The following AP3S2 variants were observed in gnomAD, a reference collection of about 807,000 sequenced individuals.
AP3S2 encodes AP-3 complex subunit sigma-2.
Under a neutral mutation model 23.4 loss-of-function variants are expected in AP3S2, and 22 were observed. The observed-to-expected ratio is 0.94, with a 90% CI of 0.67 to 1.34. The LOEUF is 1.34. Among genes scored for constraint, AP3S2 ranks in the 40% most tolerant of loss-of-function variants. AP3S2 has a pLI of 0.00. For missense variants in AP3S2, 241 were observed against 236.9 expected (o/e 1.02, Z -0.11); for synonymous variants, 86 against 87.1 (o/e 0.99, Z 0.07).
intron 4 of AP3S2, among the ~76,000 whole-genome samples, chr15:89,863,053 A>G (rs914220672): frequency 1.3e-5 from 2 of 152,168 alleles, no homozygotes; most frequent in African/African-American, 4.8e-5. Flanking sequence ...GAAAGAAATC[A>G]GCAGGGTTCT....
chr15:89,876,545 G>A (rs1896447673), intron 3 of AP3S2: 1 of 152,334 alleles, frequency 6.6e-6, no homozygotes, highest in Non-Finnish European at 1.5e-5. Context: ...ACATGCATAG[G>A]AAAGAAGCAG....
chr15:89,861,932 A>G (rs1193572667), intron 4 of AP3S2, among the ~76,000 whole-genome samples: 2 of 152,204 alleles, frequency 1.3e-5, no homozygotes, highest in South Asian at 2.1e-4. Flanking sequence ...GGCAGTATTT[A>G]GTACATGAAA....
Position 89,858,338 on chromosome 15 carries a change from G to A in AP3S2, c.345+13137C>T, listed in dbSNP as rs1304854662. Among the ~76,000 whole-genome samples, 6 of 152,094 alleles carry A rather than the reference G, an allele frequency of 3.9e-5. No individual in the cohort carries two copies. In the East Asian group the frequency reaches 1.2e-3, roughly 29 times the overall value. On this transcript the variant is annotated intron_variant, in intron 4 of 5. Coordinates refer to ENST00000336418, the MANE Select transcript of AP3S2 (RefSeq NM_005829.5). ...CGCCTATAATCCCAGCTAGGCAGGA[G>A]GCTGATGCAGGAGAATTGCTTGAAC...
chr15:89,887,946 T>A (rs1040025208), intron 3 of AP3S2, among the ~76,000 whole-genome samples: 1 of 152,202 alleles, frequency 6.6e-6, no homozygotes, highest in Non-Finnish European at 1.5e-5. Context: ...GCTGGGATTA[T>A]AGGCATGAGC....
rs755144691 is a variant in AP3S2, at chr15:89,835,236, T to C, written c.*279A>G. 2.0e-5 allele frequency: 10 copies of C among 507,890 alleles called. No individual in the cohort carries two copies. The highest frequency in any genetic ancestry group is 3.6e-5 in the Admixed American group (1 of 27,690). The allele number at this position is 507,890 out of a possible 1,614,324, so 31.5% of individuals were successfully genotyped here. On this transcript the variant is annotated 3_prime_UTR_variant, in exon 6 of 6. Coordinates refer to ENST00000336418, the MANE Select transcript of AP3S2 (RefSeq NM_005829.5). ...GGTAAAGGTGCAAATGACTTGGGCA[T>C]GTTGACTCCCTACTGAGGAAGGCAG...
chr15:89,855,569 C>T (rs1244061156), intron 4 of AP3S2, among the ~76,000 whole-genome samples: 2 of 147,074 alleles, frequency 1.4e-5, no homozygotes, highest in Admixed American at 6.7e-5. Flanking sequence ...CTTTCCCAGG[C>T]CAGCTGTGGT....
chr15:89,854,088 C>A (rs1416648519), intron 4 of AP3S2, among the ~76,000 whole-genome samples: 2 of 49,326 alleles, frequency 4.1e-5, no homozygotes, highest in Non-Finnish European at 8.5e-5. Flanking sequence ...AGCCCCCCCG[C>A]CCGGCCAGCC....
In AP3S2 at chr15:89,834,297, AAACC is replaced by A. The variant is rs1346296250; in HGVS notation, c.*1214_*1217del. On this transcript the variant is annotated 3_prime_UTR_variant, in exon 6 of 6. Coordinates refer to ENST00000336418, the MANE Select transcript of AP3S2 (RefSeq NM_005829.5). ...AGCTCATCATTCACAACACAGCAAC[AAACC>A]TTCTGCTCTCATGAGGAGAATGTAT... 6.6e-6 allele frequency: 1 copy of A among 152,248 alleles called. No individual in the cohort carries two copies. The highest frequency in any genetic ancestry group is 1.5e-5 in the Non-Finnish European group (1 of 68,052). The allele number at this position is 152,248 out of a possible 1,614,324, so 9.4% of individuals were successfully genotyped here. A position where few individuals can be genotyped will look rare whatever the true frequency, so the allele number is the denominator to read the frequency against.
rs373179582 is a variant in AP3S2, at chr15:89,888,555, G to A, written c.239C>T (p.Ser80Leu). 1.5e-5 allele frequency: 25 copies of A among 1,614,050 alleles called. No homozygotes were observed. Among genetic ancestry groups the A allele is most frequent in the Non-Finnish European group, 2.1e-5 (25 of 1,180,028 alleles). ...GTCCAAGATTCCAAGTTCACTCTCT[G>A]AGGAATCCACACAAAATACAAAGTA... ...TLYFVFCVDS[S>L]ESELGILDLI... The change falls in exon 3 of 6, where the codon TCA (serine) becomes TTA (leucine). Residue 80 changes from serine to leucine, a missense_variant. Physicochemically the swap from Ser to Leu is moderately radical, Grantham distance 145. Coordinates refer to ENST00000336418, the MANE Select transcript of AP3S2 (RefSeq NM_005829.5).
In AP3S2 at chr15:89,871,540, C is replaced by A; in HGVS notation, c.280G>T (p.Val94Leu). 6.2e-7 allele frequency: 1 copy of A among 1,612,784 alleles called. No individual in the cohort carries two copies. The highest frequency in any genetic ancestry group is 8.5e-7 in the Non-Finnish European group (1 of 1,179,666). Residue 94 changes from valine to leucine, a missense_variant, in exon 4 of 6, where the codon GTG (valine) becomes TTG (leucine). Transcript: ENST00000336418. Reference protein sequence around the residue: ...LGILDLIQVFVETLDKCFENV... With the variant: ...LGILDLIQVFLETLDKCFENV... ...TCGAAACACTTATCCAGAGTTTCCA[C>A]AAAAACCTAGAAAACAAGGAGAAAT...
At chr15:89,878,120 T>G in intron 3 of AP3S2, 1 of 483,576 alleles carries the variant, frequency 2.1e-6, no homozygotes, top group Non-Finnish European at 3.6e-6. Flanking sequence ...AAACATAAAA[T>G]AAATGTTATG....
At chr15:89,878,311 C>A in intron 3 of AP3S2, 1 of 649,228 alleles carries the variant, frequency 1.5e-6, no homozygotes, top group East Asian at 2.9e-5. Context: ...CTACATAAAG[C>A]AAAAAGACCA....
intron 4 of AP3S2, among the ~76,000 whole-genome samples, chr15:89,862,403 A>G (rs1379439453): frequency 3.3e-5 from 5 of 152,240 alleles, no homozygotes; most frequent in Non-Finnish European, 4.4e-5. Context: ...GTATTATATA[A>G]GAATATCCTT....
intron 3 of AP3S2, among the ~76,000 whole-genome samples, chr15:89,882,360 C>T (rs1462671249): frequency 2.6e-5 from 4 of 151,118 alleles, no homozygotes; most frequent in Non-Finnish European, 5.9e-5. Flanking sequence ...TCTGCTTTGA[C>T]CTACTCTTTT....
At chr15:89,855,563 C>A (rs1291390746) in intron 4 of AP3S2, among the ~76,000 whole-genome samples, 1 of 148,078 alleles carries the variant, frequency 6.8e-6, no homozygotes, top group African/African-American at 2.5e-5. Context: ...AATGGACTTT[C>A]CCAGGCCAGC....
At chr15:89,863,756 G>T (rs1188225294) in intron 4 of AP3S2, among the ~76,000 whole-genome samples, 1 of 152,188 alleles carries the variant, frequency 6.6e-6, no homozygotes, top group East Asian at 1.9e-4. Flanking sequence ...AGATCTTAAA[G>T]ACCTAGGAAC....
intron 4 of AP3S2, chr15:89,848,827 T>C (rs1278113085): frequency 6.6e-6 from 1 of 152,182 alleles, no homozygotes; most frequent in East Asian, 1.9e-4. Context: ...GAGAAAATCA[T>C]CTGAGAGTCA....
At chr15:89,846,410 T>C (rs1895489964) in intron 4 of AP3S2, among the ~76,000 whole-genome samples, 1 of 152,038 alleles carries the variant, frequency 6.6e-6, no homozygotes, top group Non-Finnish European at 1.5e-5. Flanking sequence ...CAGGATGGAA[T>C]ACAGTGGCAT....
rs1895158829 is a variant in AP3S2, at chr15:89,835,169, T to C, written c.*346A>G. On this transcript the variant is annotated 3_prime_UTR_variant, in exon 6 of 6. Coordinates refer to ENST00000336418, the MANE Select transcript of AP3S2 (RefSeq NM_005829.5). Reference sequence around the variant, plus strand: ...GGAGGTTCTGGGAAGCAGGTGGGCCTGCTCAATGCAGTCCCTAACCCTTGG... The same window carrying C: ...GGAGGTTCTGGGAAGCAGGTGGGCCCGCTCAATGCAGTCCCTAACCCTTGG... 4 of 348,636 alleles carry C rather than the reference T, an allele frequency of 1.1e-5. No individual in the cohort carries two copies. In the South Asian group the frequency reaches 3.8e-4, roughly 33 times the overall value. The allele number at this position is 348,636 out of a possible 1,614,324, so 21.6% of individuals were successfully genotyped here.
Sources: allele counts gnomAD v4.1 joint callset (sites outside exome capture counted in the v4.1 genomes callset), GRCh38; gene constraint gnomAD v4.1.1; transcripts MANE v1.5; gene names NCBI Gene and HGNC (gene_info 2026-07-23, HGNC 2026-07-21).